The following USP40 variants were observed in gnomAD, a reference collection of about 807,000 sequenced individuals.
The protein encoded by USP40 is ubiquitin specific peptidase 40, also known as ubiquitin carboxyl-terminal hydrolase 40.
In USP40, 143 loss-of-function variants were observed where a neutral mutation model predicts 166.2. That is an observed-to-expected ratio of 0.86 (90% CI 0.75 to 0.99). The LOEUF (loss-of-function observed/expected upper bound fraction) is 0.99, where lower values mean the gene tolerates loss of function less well. USP40 is among the 50% of genes least tolerant of loss of function. The pLI, the probability that USP40 is intolerant of heterozygous loss-of-function variation, is 0.00. For missense variants in USP40, 1,444 were observed against 1,479.7 expected (o/e 0.98, Z 0.40); for synonymous variants, 498 against 524.0 (o/e 0.95, Z 0.68).
intron 6 of USP40, among the ~76,000 whole-genome samples, chr2:233,552,737 A>C (rs1378881918): frequency 6.6e-6 from 1 of 152,218 alleles, no homozygotes; most frequent in Non-Finnish European, 1.5e-5. Context: ...CTTCCCGTGA[A>C]AGCTACAGGC....
At chr2:233,562,543 C>T (rs1575355116) in intron 3 of USP40, among the ~76,000 whole-genome samples, 193 bp downstream of exon 3, 9 of 137,140 alleles carry the variant, frequency 6.6e-5, no homozygotes, top group African/African-American at 2.2e-4. Context: ...GGAAGGGGAA[C>T]ATCACACTCT....
intron 5 of USP40, 69 bp from the exon 6 acceptor site, chr2:233,554,595 T>C (rs534151144): frequency 2.4e-6 from 3 of 1,259,892 alleles, no homozygotes; most frequent in Middle Eastern, 2.0e-4. Context: ...TCAACTCACA[T>C]ATATATTGGG....
chr2:233,504,110 CTCTA>C (rs929088640), intron 21 of USP40, among the ~76,000 whole-genome samples: 3 of 151,970 alleles, frequency 2.0e-5, no homozygotes, highest in Admixed American at 1.3e-4. Flanking sequence ...GTACAAGACT[CTCTA>C]TCTTAGTGCA....
chr2:233,559,000 T>A (rs528362564), intron 4 of USP40, among the ~76,000 whole-genome samples: 1 of 152,336 alleles, frequency 6.6e-6, no homozygotes, highest in Non-Finnish European at 1.5e-5. Flanking sequence ...AAAGGCAATA[T>A]AACAGTATTC....
chr2:233,481,082 G>A lies in USP40; in HGVS notation c.3599+121C>T, dbSNP rs2064551864. The stretch of plus-strand genomic sequence containing the variant: ...GCGGAGAAGGACCCGCCACACTGGT[G>A]TGCTTTGTGTGCACTCTGAATCAAC... On this transcript the variant is annotated intron_variant, in intron 31 of 31. Transcript: ENST00000678225. 3 of 900,150 alleles carry A rather than the reference G, an allele frequency of 3.3e-6. No individual in the cohort carries two copies. In the Admixed American group the frequency reaches 7.9e-5, roughly 24 times the overall value. The allele number at this position is 900,150 out of a possible 1,614,324, so 55.8% of individuals were successfully genotyped here.
chr2:233,512,392 G>A, intron 19 of USP40, 177 bp downstream of exon 19: 1 of 372,050 alleles, frequency 2.7e-6, no homozygotes, highest in Non-Finnish European at 4.9e-6. Flanking sequence ...GAAAACAGAA[G>A]TGTTTGTTTC....
At chr2:233,517,639 G>A (rs947911247) in intron 18 of USP40, among the ~76,000 whole-genome samples, 4 of 152,056 alleles carry the variant, frequency 2.6e-5, no homozygotes, top group African/African-American at 4.8e-5. Flanking sequence ...TCCCCGCCTC[G>A]GCCTCCCAAA....
rs752603552 is a variant in USP40, at chr2:233,481,234, GCTTTT to G, written c.3563_3567del (p.Glu1188AlafsTer17). The G allele has an allele frequency of 2.6e-5, 42 of 1,608,310 alleles. No individual in the cohort carries two copies. Among genetic ancestry groups the G allele is most frequent in the Middle Eastern group, 1.7e-4 (1 of 6,058 alleles). On this transcript the variant is annotated frameshift_variant, in exon 31 of 32. Coordinates refer to ENST00000678225, the MANE Select transcript of USP40 (RefSeq NM_001365479.2). LOFTEE classifies it low-confidence loss of function (END_TRUNC). ...CTTCTCCCCAGGGCCCGTTGTTTCT[GCTTTT>G]CTTTTCCAGTGTCATCTCTGATTGT...
chr2:233,481,095 A>C, intron 31 of USP40, 108 bp downstream of exon 31: 1 of 1,043,054 alleles, frequency 9.6e-7, no homozygotes, highest in Non-Finnish European at 1.4e-6. Context: ...CTTTGTGTGC[A>C]CTCTGAATCA....
intron 24 of USP40, among the ~76,000 whole-genome samples, chr2:233,494,954 ATT>A (rs1401924878): frequency 0.057 from 1,512 of 26,432 alleles, 42 homozygotes; most frequent in African/African-American, 0.17. Flanking sequence ...ATATATATAT[ATT>A]TATATATATA....
chr2:233,560,552 A>C (rs2071489135), intron 3 of USP40, among the ~76,000 whole-genome samples: 1 of 152,210 alleles, frequency 6.6e-6, no homozygotes. Flanking sequence ...ATTGGGAATA[A>C]AAAGAAATAC....
chr2:233,537,948 A>T (rs1453321), intron 10 of USP40, among the ~76,000 whole-genome samples: 112,653 of 152,032 alleles, frequency 0.74, 42,298 homozygotes, highest in East Asian at 0.87. Context: ...GTTTAAGCAG[A>T]AGTAGTAACA....
intron 31 of USP40, among the ~76,000 whole-genome samples, chr2:233,478,352 C>T (rs914325251): frequency 6.6e-6 from 1 of 152,170 alleles, no homozygotes; most frequent in Non-Finnish European, 1.5e-5. Flanking sequence ...GTCTTTCCCA[C>T]TTTAGTGTTG....
intron 12 of USP40, among the ~76,000 whole-genome samples, chr2:233,529,063 T>C (rs565989187): frequency 2.6e-4 from 39 of 152,364 alleles, no homozygotes; most frequent in African/African-American, 8.7e-4. Context: ...TCGCTACAAC[T>C]ACTTACCTAT....
At position 233,493,070 on chromosome 2, in the gene USP40, T is replaced by A. The variant is rs1442766881; in HGVS notation, c.2917+355A>T. On this transcript the variant is annotated intron_variant, in intron 25 of 31. Transcript: ENST00000678225. The surrounding 1 kb of genome is among the most constrained non-coding windows in gnomAD (Gnocchi z 4.7). ...TGGTCTCTGCCCCTGTGGGCTAAAATGACATCATTAGAATTGGATGAAGTC... is the reference window on the plus strand; with the variant it reads ...TGGTCTCTGCCCCTGTGGGCTAAAAAGACATCATTAGAATTGGATGAAGTC... The A allele has an allele frequency of 3.2e-6, 1 of 312,350 alleles. No homozygotes were observed. The allele number at this position is 312,350 out of a possible 1,614,324, so 19.3% of individuals were successfully genotyped here. A position where few individuals can be genotyped will look rare whatever the true frequency, so the allele number is the denominator to read the frequency against.
At chr2:233,525,604 A>G (rs765026211) in intron 13 of USP40, 42 bp from the exon 14 acceptor site, 19 of 1,454,182 alleles carry the variant, frequency 1.3e-5, no homozygotes, top group Middle Eastern at 3.5e-4. Flanking sequence ...TTGAAAAGTG[A>G]CATATACATA....
chr2:233,494,903 C>A (rs2065577963), intron 24 of USP40, among the ~76,000 whole-genome samples: 3 of 73,230 alleles, frequency 4.1e-5, no homozygotes, highest in African/African-American at 1.1e-4. Context: ...TACTCATATA[C>A]AAGCAAAATG....
chr2:233,560,660 A>G, intron 3 of USP40: 1 of 209,760 alleles, frequency 4.8e-6, no homozygotes, highest in Non-Finnish European at 9.6e-6. Flanking sequence ...GAACATGGTA[A>G]GAAACTTTTG....
At chr2:233,513,608 GATTGATGTT>G (rs1264238635) in intron 18 of USP40, among the ~76,000 whole-genome samples, 1 of 152,132 alleles carries the variant, frequency 6.6e-6, no homozygotes, top group Non-Finnish European at 1.5e-5. Context: ...CTTGCTGGGG[GATTGATGTT>G]ATATAACTAA....
Sources: gnomAD v4.1 joint callset for allele counts (sites outside exome capture counted in the v4.1 genomes callset) on GRCh38, gnomAD v4.1.1 for gene constraint, Gnocchi (gnomAD v3.1) non-coding constraint, MANE v1.5 for transcripts, NCBI Gene and HGNC (gene_info 2026-07-23, HGNC 2026-07-21) for gene names.